STX3: variants seen among roughly 807,000 people sequenced by gnomAD.
STX3 encodes syntaxin 3, also known as syntaxin-3.
In STX3, 19 loss-of-function variants were observed where a neutral mutation model predicts 40.2. The observed-to-expected ratio is 0.47, with a 90% CI of 0.33 to 0.69. The LOEUF (loss-of-function observed/expected upper bound fraction) is 0.69. STX3 is among the 30% of genes least tolerant of loss of function. The pLI is 0.02. For synonymous variants in STX3, 122 were observed against 132.2 expected (o/e 0.92, Z 0.53); for missense variants, 364 against 366.7 (o/e 0.99, Z 0.06).
intron 2 of STX3, among the ~76,000 whole-genome samples, chr11:59,784,900 A>T (rs1366057041): frequency 6.6e-6 from 1 of 152,166 alleles, no homozygotes; most frequent in South Asian, 2.1e-4. Context: ...GTAGGGCTGG[A>T]ATGCTGCTAA....
At chr11:59,783,594 G>A (rs1398379382) in intron 2 of STX3, among the ~76,000 whole-genome samples, 1 of 152,150 alleles carries the variant, frequency 6.6e-6, no homozygotes, top group Non-Finnish European at 1.5e-5. Context: ...ACATGCAATA[G>A]CCCTTAAACT....
At position 59,802,807 on chromosome 11, in the gene STX3, A is replaced by G. The variant is rs561789090; in HGVS notation, c.*1983A>G. On this transcript the variant is annotated 3_prime_UTR_variant, in exon 11 of 11. Transcript: ENST00000337979. ...AATGCAGTTCACACCTTTTTAAGCC[A>G]TGTGCTGGATCAGATGGTTCAAAAG... The G allele has an allele frequency of 5.1e-6, 5 of 988,304 alleles. No individual in the cohort carries two copies. The East Asian group carries it at 5.5e-4, about 110-fold the overall frequency. 61.2% of individuals were successfully genotyped at this position (988,304 alleles called of 1,614,324 possible).
chr11:59,804,787 T>C lies in STX3; in HGVS notation c.*3963T>C. On this transcript the variant is annotated 3_prime_UTR_variant, in exon 11 of 11. Transcript: ENST00000337979. Reference sequence around the variant, plus strand: ...CATCAGTAGAACACTCTGTGAACCATAACAAAGAACAGATAAAGGTGTCAA... The same window carrying C: ...CATCAGTAGAACACTCTGTGAACCACAACAAAGAACAGATAAAGGTGTCAA... 1 of 152,140 alleles carries C rather than the reference T, an allele frequency of 6.6e-6. No individual in the cohort carries two copies. Among genetic ancestry groups the C allele is most frequent in the East Asian group, 1.9e-4 (1 of 5,192 alleles). 9.4% of individuals were successfully genotyped at this position (152,140 alleles called of 1,614,324 possible). A position where few individuals can be genotyped will look rare whatever the true frequency, so the allele number is the denominator to read the frequency against.
At chr11:59,778,644 T>C (rs1000452053) in intron 2 of STX3, among the ~76,000 whole-genome samples, 2 of 152,166 alleles carry the variant, frequency 1.3e-5, no homozygotes, top group African/African-American at 4.8e-5. Context: ...TGATCAAATA[T>C]GTTTGAGAAA....
In STX3 at chr11:59,805,106, G is replaced by A. The variant is rs1363759748; in HGVS notation, c.*4282G>A. On this transcript the variant is annotated 3_prime_UTR_variant, in exon 11 of 11. Coordinates refer to ENST00000337979, the MANE Select transcript of STX3 (RefSeq NM_004177.5). ...GCAGGAGAATTGCTTGAATGCAAGA[G>A]GCGGAAGTTGCAGTGAGCCGAGATC... The A allele has an allele frequency of 2.0e-5, 3 of 151,626 alleles. No homozygotes were observed. The highest frequency in any genetic ancestry group is 7.3e-5 in the African/African-American group (3 of 41,256). The allele number at this position is 151,626 out of a possible 1,614,324, so 9.4% of individuals were successfully genotyped here. A position where few individuals can be genotyped will look rare whatever the true frequency, so the allele number is the denominator to read the frequency against.
chr11:59,783,425 A>G (rs914681613), intron 2 of STX3, among the ~76,000 whole-genome samples: 1 of 152,222 alleles, frequency 6.6e-6, no homozygotes, highest in East Asian at 1.9e-4. Context: ...CGATATTCTC[A>G]TATGTATAAA....
chr11:59,805,550 G>A lies in STX3; in HGVS notation c.*4726G>A, dbSNP rs774220408. ...AATAGGGGATAGAAGACTGCAGCTGGTTGGGTCTGGAAAACATTAATCTGG... is the reference window on the plus strand; with the variant it reads ...AATAGGGGATAGAAGACTGCAGCTGATTGGGTCTGGAAAACATTAATCTGG... On this transcript the variant is annotated 3_prime_UTR_variant, in exon 11 of 11. Coordinates refer to ENST00000337979, the MANE Select transcript of STX3 (RefSeq NM_004177.5). The A allele has an allele frequency of 6.6e-6, 1 of 152,182 alleles. No homozygotes were observed. Among genetic ancestry groups the A allele is most frequent in the Non-Finnish European group, 1.5e-5 (1 of 68,042 alleles). The allele number at this position is 152,182 out of a possible 1,614,324, so 9.4% of individuals were successfully genotyped here. A position where few individuals can be genotyped will look rare whatever the true frequency, so the allele number is the denominator to read the frequency against.
At chr11:59,796,467 T>C (rs1352543108) in intron 9 of STX3, among the ~76,000 whole-genome samples, 1 of 152,242 alleles carries the variant, frequency 6.6e-6, no homozygotes, top group Non-Finnish European at 1.5e-5. Flanking sequence ...CATCCAACTT[T>C]ACCTATTGCT....
rs189160971 is a variant in STX3, at chr11:59,763,410, A to G, written c.30+7775A>G. On this transcript the variant is annotated intron_variant, in intron 1 of 10. Transcript: ENST00000337979. ...TGTCTTTCTTGTCTAGACCCACCTC[A>G]GGTCTGGAGAAGCAAAAGCAGGTAG... 2.6e-5 allele frequency among the ~76,000 whole-genome samples: 4 copies of G among 152,188 alleles called. No homozygotes were observed. In the East Asian group the frequency reaches 7.7e-4, roughly 29 times the overall value.
chr11:59,805,842 T>C lies in STX3; in HGVS notation c.*5018T>C. On this transcript the variant is annotated 3_prime_UTR_variant, in exon 11 of 11. Coordinates refer to ENST00000337979, the MANE Select transcript of STX3 (RefSeq NM_004177.5). ...TACCCCTTCCAAGATTGTGAGAAGA[T>C]GGGTAGCTGGGCATCAATAAATATT... 6.5e-6 allele frequency: 1 copy of C among 153,252 alleles called. No homozygotes were observed. Among genetic ancestry groups the C allele is most frequent in the Admixed American group, 6.5e-5 (1 of 15,458 alleles). The allele number at this position is 153,252 out of a possible 1,614,324, so 9.5% of individuals were successfully genotyped here.
intron 6 of STX3, 137 bp downstream of exon 6, chr11:59,792,352 A>G (rs1865235485): frequency 1.5e-6 from 1 of 669,010 alleles, no homozygotes. Flanking sequence ...CACCACTGGC[A>G]CATCCCGAAT....
rs1026640367 is a variant in STX3, at chr11:59,797,070, C to A, written c.787-213C>A. On this transcript the variant is annotated intron_variant, in intron 9 of 10. Transcript: ENST00000337979. ...AGGCTGCAGTGAGCCATGATCATGC[C>A]ACTGCACTCTAGCCTGAGTGATAGA... 4.6e-5 allele frequency among the ~76,000 whole-genome samples: 7 copies of A among 152,276 alleles called. No homozygotes were observed. The South Asian group carries it at 8.3e-4, about 18-fold the overall frequency.
At chr11:59,772,813 C>T (rs999984568) in intron 1 of STX3, among the ~76,000 whole-genome samples, 1 of 152,130 alleles carries the variant, frequency 6.6e-6, no homozygotes, top group East Asian at 1.9e-4. Context: ...GTACCAGGCA[C>T]CATACAAAAG....
chr11:59,790,799 C>T (rs1590815810), intron 5 of STX3, among the ~76,000 whole-genome samples: 1 of 152,170 alleles, frequency 6.6e-6, no homozygotes, highest in African/African-American at 2.4e-5. Context: ...AAGGAGGCCC[C>T]TGAAGAGCTT....
At position 59,790,725 on chromosome 11, in the gene STX3, G is replaced by A. The variant is rs947448179; in HGVS notation, c.357+139G>A. ...GACCTGGTAAAGGAGAACTCTCCAG[G>A]TTGAAATAGGGGTCAGGGCCAGAGT... On this transcript the variant is annotated intron_variant, in intron 5 of 10. Transcript: ENST00000337979. 6 of 671,200 alleles carry A rather than the reference G, an allele frequency of 8.9e-6. 1 individual carries two copies. In the South Asian group the frequency reaches 1.1e-4, roughly 13 times the overall value. The allele number at this position is 671,200 out of a possible 1,614,324, so 41.6% of individuals were successfully genotyped here. A position where few individuals can be genotyped will look rare whatever the true frequency, so the allele number is the denominator to read the frequency against.
At chr11:59,762,952 A>G (rs1243037084) in intron 1 of STX3, among the ~76,000 whole-genome samples, 1 of 152,122 alleles carries the variant, frequency 6.6e-6, no homozygotes, top group African/African-American at 2.4e-5. Context: ...AACATTCTCT[A>G]ATAAGCTTCC....
intron 2 of STX3, among the ~76,000 whole-genome samples, chr11:59,776,697 A>C (rs186598838): frequency 6.6e-6 from 1 of 152,358 alleles, no homozygotes; most frequent in East Asian, 1.9e-4. Flanking sequence ...TGCAAGGTGC[A>C]CATGAAGTCA....
rs184671122 is a variant in STX3 at position 59,802,885 on chromosome 11, G to A, written c.*2061G>A. The A allele has an allele frequency of 3.0e-6, 3 of 985,414 alleles. No homozygotes were observed. The highest frequency in any genetic ancestry group is 9.4e-5 in the South Asian group (2 of 21,286). The allele number at this position is 985,414 out of a possible 1,614,324, so 61.0% of individuals were successfully genotyped here. On this transcript the variant is annotated 3_prime_UTR_variant, in exon 11 of 11. Transcript: ENST00000337979. ...CACAGAATGCAGTGTAACTATGTTT[G>A]TGTTTCAGATTTGAGGTGTTCCCCC...
chr11:59,767,357 A>G (rs559384017), intron 1 of STX3, among the ~76,000 whole-genome samples: 11 of 152,334 alleles, frequency 7.2e-5, no homozygotes, highest in African/African-American at 2.6e-4. Flanking sequence ...CTGATATTGC[A>G]GCTACTGTAA....
Sources: gnomAD v4.1 joint callset for allele counts (sites outside exome capture counted in the v4.1 genomes callset) on GRCh38, gnomAD v4.1.1 for gene constraint, MANE v1.5 for transcripts, NCBI Gene and HGNC (gene_info 2026-07-23, HGNC 2026-07-21) for gene names.